Variants in UNC13C observed in about 807,000 individuals in gnomAD.
UNC13C encodes the protein protein unc-13 homolog C.
UNC13C carries 174 observed loss-of-function variants against 245.4 expected under a neutral mutation model. The ratio of observed to expected loss-of-function variants is 0.71; its 90% CI spans 0.63 to 0.80. UNC13C has a LOEUF of 0.80. Among genes scored for constraint, UNC13C ranks in the 30% least tolerant of loss-of-function variants. The probability of loss-of-function intolerance (pLI) is 0.00; values close to 1 mark genes in which losing one functional copy is unlikely to be tolerated. For missense variants in UNC13C, 2,829 were observed against 2,602.9 expected, an observed-to-expected ratio of 1.09 and a Z score of -1.89; for synonymous variants, 992 against 895.1, an observed-to-expected ratio of 1.11 and a Z score of -1.93.
At chr15:53,850,092 C>A in the UNC13C span, among the ~76,000 whole-genome samples, 1 of 152,022 alleles carries the variant, frequency 6.6e-6, no homozygotes, top group African/African-American at 2.4e-5. Context: ...TGTTTGCCTT[C>A]ATTTTTGAAA....
At chr15:54,382,753 C>A (rs909364814) in intron 17 of UNC13C, among the ~76,000 whole-genome samples, 1 of 151,944 alleles carries the variant, frequency 6.6e-6, no homozygotes. Flanking sequence ...GAAACCAATG[C>A]AAAAGTTGGT....
intron 32 of UNC13C, among the ~76,000 whole-genome samples, 175 bp downstream of exon 32, chr15:54,624,129 G>A (rs1414713907): frequency 6.6e-6 from 1 of 152,120 alleles, no homozygotes; most frequent in East Asian, 1.9e-4. Context: ...CAATGTTATA[G>A]TCATTAGGTG....
the UNC13C span, among the ~76,000 whole-genome samples, chr15:53,883,944 T>G: frequency 6.6e-6 from 1 of 152,210 alleles, no homozygotes; most frequent in African/African-American, 2.4e-5. Context: ...AGGGCTAAAA[T>G]TCCTACAGAA....
chr15:54,092,418 A>G (rs1479396049), intron 2 of UNC13C, among the ~76,000 whole-genome samples: 1 of 152,194 alleles, frequency 6.6e-6, no homozygotes, highest in Admixed American at 6.5e-5. Context: ...TACTAGCAAC[A>G]TTTTATGATT....
At chr15:54,339,441 T>C (rs2038674471) in intron 17 of UNC13C, among the ~76,000 whole-genome samples, 1 of 152,058 alleles carries the variant, frequency 6.6e-6, no homozygotes, top group Non-Finnish European at 1.5e-5. Flanking sequence ...CCCAGAGTCC[T>C]CAAAGTCCAT....
chr15:54,522,074 T>C lies in UNC13C; in HGVS notation c.5458-3475T>C, dbSNP rs149662630. ...ACTAACTGCCTAGGGCTAGCTACACTTGAGCGAAAATTTGCAAAAGGAGAT... is the reference window on the plus strand; with the variant it reads ...ACTAACTGCCTAGGGCTAGCTACACCTGAGCGAAAATTTGCAAAAGGAGAT... On this transcript the variant is annotated intron_variant, in intron 24 of 32. Coordinates refer to ENST00000260323, the MANE Select transcript of UNC13C (RefSeq NM_001080534.3). Among the ~76,000 whole-genome samples the C allele has an allele frequency of 5.3e-5, 8 of 152,286 alleles. No individual in the cohort carries two copies. In the East Asian group the frequency reaches 1.5e-3, roughly 29 times the overall value.
At chr15:53,984,728 A>G (rs1055681253) in intron 1 of UNC13C, among the ~76,000 whole-genome samples, 3 of 152,124 alleles carry the variant, frequency 2.0e-5, no homozygotes. Flanking sequence ...AAAGACTGGT[A>G]AGGGAAGAAG....
intron 18 of UNC13C, among the ~76,000 whole-genome samples, chr15:54,399,700 C>G (rs2040142750): frequency 6.6e-6 from 1 of 151,800 alleles, no homozygotes; most frequent in Non-Finnish European, 1.5e-5. Flanking sequence ...AGGATAAAAT[C>G]TGCCTATTTT....
At chr15:54,041,981 A>G (rs969072750) in intron 2 of UNC13C, among the ~76,000 whole-genome samples, 4 of 152,164 alleles carry the variant, frequency 2.6e-5, no homozygotes, top group African/African-American at 7.2e-5. Context: ...ACTTAGCATG[A>G]TGGTGCTGAG....
At chr15:54,578,690 C>G (rs1898066947) in intron 30 of UNC13C, among the ~76,000 whole-genome samples, 1 of 152,214 alleles carries the variant, frequency 6.6e-6, no homozygotes, top group African/African-American at 2.4e-5. Flanking sequence ...CAGAACAGCC[C>G]TCTAAAGTCA....
intron 13 of UNC13C, among the ~76,000 whole-genome samples, chr15:54,303,515 A>T (rs1316926694): frequency 1.3e-5 from 2 of 152,292 alleles, no homozygotes; most frequent in Admixed American, 1.3e-4. Flanking sequence ...AAAAATGGTA[A>T]GTATGTATCA....
intron 2 of UNC13C, among the ~76,000 whole-genome samples, chr15:54,058,017 C>T (rs966121751): frequency 1.3e-5 from 2 of 152,096 alleles, no homozygotes; most frequent in African/African-American, 4.8e-5. Flanking sequence ...CAGGAAAGAT[C>T]TAAAATTGAC....
chr15:54,381,496 A>G (rs950954851), intron 17 of UNC13C, among the ~76,000 whole-genome samples: 5 of 152,062 alleles, frequency 3.3e-5, no homozygotes, highest in Non-Finnish European at 5.9e-5. Flanking sequence ...GAAGAATGCC[A>G]TTGGCATTTT....
chr15:54,280,092 AC>A (rs1447487352), intron 10 of UNC13C, among the ~76,000 whole-genome samples: 1 of 152,158 alleles, frequency 6.6e-6, no homozygotes, highest in Non-Finnish European at 1.5e-5. Flanking sequence ...TAGCAAAGCT[AC>A]TTTTAATAAT....
chr15:54,082,404 A>G (rs934080944), intron 2 of UNC13C, among the ~76,000 whole-genome samples: 4 of 152,086 alleles, frequency 2.6e-5, no homozygotes, highest in Admixed American at 2.0e-4. Flanking sequence ...CATAATGCCG[A>G]TTAGTCATAG....
At chr15:54,396,967 T>G (rs920459730) in intron 18 of UNC13C, among the ~76,000 whole-genome samples, 2 of 151,344 alleles carry the variant, frequency 1.3e-5, no homozygotes, top group Admixed American at 6.6e-5. Flanking sequence ...CTTGTAACTT[T>G]CTTTTCCATT....
chr15:54,506,973 G>A lies in UNC13C; in HGVS notation c.5302-144G>A. On this transcript the variant is annotated intron_variant, in intron 22 of 32. Coordinates refer to ENST00000260323, the MANE Select transcript of UNC13C (RefSeq NM_001080534.3). ...TAATGAAAACAGAGGGCATTCTTAG[G>A]CTCAGAAACAGTTGTTAGAGGGAGA... The A allele has an allele frequency of 9.7e-6, 5 of 514,036 alleles. No individual in the cohort carries two copies. The Admixed American group carries it at 1.8e-4, about 18-fold the overall frequency. The allele number at this position is 514,036 out of a possible 1,614,324, so 31.8% of individuals were successfully genotyped here.
intron 30 of UNC13C, among the ~76,000 whole-genome samples, chr15:54,595,951 C>T (rs1239438094): frequency 1.3e-5 from 2 of 151,698 alleles, no homozygotes; most frequent in Non-Finnish European, 2.9e-5. Flanking sequence ...CATATTTCTT[C>T]AAAGCATAAG....
At position 54,014,432 on chromosome 15, in the gene UNC13C, TCTC is replaced by T. The variant is rs1387166835; in HGVS notation, c.1533_1535del (p.Ser512del). 4 of 1,613,550 alleles carry T rather than the reference TCTC, an allele frequency of 2.5e-6. No individual in the cohort carries two copies. Among genetic ancestry groups the T allele is most frequent in the Non-Finnish European group, 2.5e-6 (3 of 1,179,824 alleles). On this transcript the variant is annotated inframe_deletion, in exon 2 of 33. Coordinates refer to ENST00000260323, the MANE Select transcript of UNC13C (RefSeq NM_001080534.3). ...TCAAATAAATCAGATTATGATAAAA[TCTC>T]CTCACAGTTGCCAGAATCAGATATC...
Sources: gnomAD v4.1 joint callset for allele counts (sites outside exome capture counted in the v4.1 genomes callset) on GRCh38, gnomAD v4.1.1 for gene constraint, MANE v1.5 for transcripts, NCBI Gene and HGNC (gene_info 2026-07-23, HGNC 2026-07-21) for gene names.